CREBBP: variants seen among roughly 807,000 people sequenced by gnomAD.
The protein encoded by CREBBP is CREB-binding protein.
CREBBP carries 19 observed loss-of-function variants against 265.0 expected under a neutral mutation model. The observed-to-expected ratio is 0.07, with a 90% CI of 0.05 to 0.11. The LOEUF is 0.11. Among genes scored for constraint, CREBBP ranks in the 10% least tolerant of loss-of-function variants. CREBBP has a pLI of 1.00. For synonymous variants in CREBBP, 1,457 were observed against 1,223.7 expected (o/e 1.19, Z -3.98); for missense variants, 2,525 against 3,219.0 (o/e 0.78, Z 5.22).
chr16:3,757,078 G>A (rs1000307367), intron 19 of CREBBP, among the ~76,000 whole-genome samples: 7 of 151,546 alleles, frequency 4.6e-5, no homozygotes, highest in African/African-American at 1.7e-4. Flanking sequence ...TCTCTATGTC[G>A]CCAAGGCTGA....
In CREBBP at chr16:3,736,824, C is replaced by CCCA. The variant is rs1203942820; in HGVS notation, c.4395-12_4395-10dup. 1.2e-6 allele frequency: 2 copies of CCCA among 1,614,108 alleles called. No individual in the cohort carries two copies. Among genetic ancestry groups the CCCA allele is most frequent in the South Asian group, 2.2e-5 (2 of 91,082 alleles). ...TGTGCCCTGTCACATACCTGCAGGACCCACGCACACACGTCAGATGAACGT... is the reference window on the plus strand; with the variant it reads ...TGTGCCCTGTCACATACCTGCAGGACCCACCACGCACACACGTCAGATGAACGT... On this transcript the variant is annotated splice_polypyrimidine_tract_variant and intron_variant, in intron 26 of 30. Transcript: ENST00000262367.
chr16:3,784,054 C>G (rs868179733), intron 5 of CREBBP, among the ~76,000 whole-genome samples: 1 of 152,176 alleles, frequency 6.6e-6, no homozygotes, highest in Non-Finnish European at 1.5e-5. Context: ...TCCTTTCTAA[C>G]TTCCACAAAT....
Position 3,736,211 on chromosome 16 carries a change from G to A in CREBBP, c.4561-8C>T. ...TGCTTGTTTGAAAATATCCTGAGTG[G>A]GCAAAGCACAACAGTGAGATGAGGG... On this transcript the variant is annotated splice_region_variant and splice_polypyrimidine_tract_variant and intron_variant, in intron 27 of 30. Coordinates refer to ENST00000262367, the MANE Select transcript of CREBBP (RefSeq NM_004380.3). 2 of 1,614,076 alleles carry A rather than the reference G, an allele frequency of 1.2e-6. No homozygotes were observed. The highest frequency in any genetic ancestry group is 1.7e-6 in the Non-Finnish European group (2 of 1,179,926).
In CREBBP at chr16:3,731,166, G is replaced by A; in HGVS notation, c.5172+26C>T. 6.2e-7 allele frequency: 1 copy of A among 1,602,880 alleles called. No individual in the cohort carries two copies. The highest frequency in any genetic ancestry group is 8.5e-7 in the Non-Finnish European group (1 of 1,173,232). On this transcript the variant is annotated intron_variant, in intron 30 of 30. Transcript: ENST00000262367. The surrounding 1 kb of genome is among the most constrained non-coding windows in gnomAD (Gnocchi z 7.7). ...TTCGTCAGACCCCAGGCCGGCTGTG[G>A]GGGTGGGGGTGGGGGCAGGGCCTAC... is the stretch of plus-strand genomic sequence containing the variant.
At chr16:3,783,082 T>C (rs1158076955) in intron 5 of CREBBP, among the ~76,000 whole-genome samples, 156 bp from the exon 6 acceptor site, 2 of 152,172 alleles carry the variant, frequency 1.3e-5, no homozygotes, top group Non-Finnish European at 2.9e-5. Context: ...AGAAAGGAAC[T>C]GTGCTGAAGG....
chr16:3,769,224 C>T lies in CREBBP; in HGVS notation c.3010G>A (p.Glu1004Lys), dbSNP rs1466058363. 1 of 1,614,056 alleles carries T rather than the reference C, an allele frequency of 6.2e-7. No individual in the cohort carries two copies. Among genetic ancestry groups the T allele is most frequent in the Non-Finnish European group, 8.5e-7 (1 of 1,180,034 alleles). Residue 1004 changes from glutamate to lysine, a missense_variant, in exon 15 of 31, where the codon GAG (glutamate) becomes AAG (lysine). By Grantham distance (56) the Glu-to-Lys change is moderately conservative. Transcript: ENST00000262367. ...VLEMKTETQA[E>K]DTEPDPGESK... is the part of the protein sequence containing the mutation. Reference sequence around the variant, plus strand: ...TCACCAGGATCGGGCTCAGTGTCCTCTGCTTGGGTCTCCGTCTTCATTTCC... The same window carrying T: ...TCACCAGGATCGGGCTCAGTGTCCTTTGCTTGGGTCTCCGTCTTCATTTCC...
At chr16:3,877,624 G>C (rs1356395473) in intron 1 of CREBBP, among the ~76,000 whole-genome samples, 2 of 152,218 alleles carry the variant, frequency 1.3e-5, no homozygotes, top group Non-Finnish European at 2.9e-5. Flanking sequence ...GGCTGGTCTT[G>C]AACTCCTGAC....
rs964314492 is a variant in CREBBP at position 3,845,422 on chromosome 16, A to C, written c.798+4875T>G. ...AGTTCAGAAATTAGACCCAAATCCT[A>C]TATGTTTGAAAAGAGAATAAAGTGT... is the stretch of plus-strand genomic sequence containing the variant. On this transcript the variant is annotated intron_variant, in intron 2 of 30. Transcript: ENST00000262367. Among the ~76,000 whole-genome samples the C allele has an allele frequency of 5.3e-5, 8 of 152,310 alleles. No individual in the cohort carries two copies. In the South Asian group the frequency reaches 1.0e-3, roughly 20 times the overall value.
chr16:3,740,587 C>A (rs1242559559), intron 23 of CREBBP, 38 bp from the exon 24 acceptor site: 22 of 1,613,334 alleles, frequency 1.4e-5, no homozygotes, highest in Non-Finnish European at 1.9e-5. Context: ...AGGGCTTCAA[C>A]AGCACTGCTG....
chr16:3,874,807 G>A (rs2055366830), intron 1 of CREBBP, among the ~76,000 whole-genome samples: 1 of 152,138 alleles, frequency 6.6e-6, no homozygotes, highest in Admixed American at 6.5e-5. Context: ...CTCTTAGCAT[G>A]CCCTCTAGTT....
At chr16:3,860,857 T>C (rs918132477) in intron 1 of CREBBP, among the ~76,000 whole-genome samples, 5 of 151,952 alleles carry the variant, frequency 3.3e-5, no homozygotes, top group African/African-American at 9.7e-5. Flanking sequence ...TATTACTAAT[T>C]AGACACTACG....
At chr16:3,811,653 G>A (rs766368758) in intron 2 of CREBBP, among the ~76,000 whole-genome samples, 2 of 151,854 alleles carry the variant, frequency 1.3e-5, no homozygotes, top group African/African-American at 2.4e-5. Flanking sequence ...CACCAGGTCC[G>A]GCTAATTTTT....
intron 5 of CREBBP, among the ~76,000 whole-genome samples, chr16:3,786,603 G>A (rs1335229256): frequency 6.6e-6 from 1 of 151,994 alleles, no homozygotes; most frequent in African/African-American, 2.4e-5. Flanking sequence ...TCACCAGCAC[G>A]AGAGTGAGCC....
At position 3,835,844 on chromosome 16, in the gene CREBBP, T is replaced by C. The variant is rs142331911; in HGVS notation, c.798+14453A>G. On this transcript the variant is annotated intron_variant, in intron 2 of 30. Transcript: ENST00000262367. The stretch of plus-strand genomic sequence containing the variant: ...ATCCACCCGCCTTGGCCTCCCAAAG[T>C]GCTGGGATTACAGGTGTGAGCCACC... Among the ~76,000 whole-genome samples, 1,511 of 151,976 alleles carry C rather than the reference T, an allele frequency of 9.9e-3. 29 individuals are homozygous for C. The highest frequency in any genetic ancestry group is 0.034 in the African/African-American group (1,397 of 41,486).
intron 24 of CREBBP, among the ~76,000 whole-genome samples, chr16:3,740,028 G>T (rs1214422503): frequency 6.6e-6 from 1 of 152,230 alleles, no homozygotes; most frequent in East Asian, 1.9e-4. Context: ...ACCAGCAGTG[G>T]ATGCTGGAAA....
chr16:3,792,997 G>T (rs1480999655), intron 4 of CREBBP, among the ~76,000 whole-genome samples: 1 of 152,178 alleles, frequency 6.6e-6, no homozygotes, highest in African/African-American at 2.4e-5. Context: ...ATGCAGGAAG[G>T]GCGTGTGCCT....
chr16:3,782,072 T>A (rs748094007), intron 6 of CREBBP, among the ~76,000 whole-genome samples: 2 of 152,210 alleles, frequency 1.3e-5, no homozygotes, highest in Non-Finnish European at 2.9e-5. Context: ...TAAGCCTAAA[T>A]GTAAAGGGAC....
At chr16:3,843,010 A>G (rs1763373418) in intron 2 of CREBBP, among the ~76,000 whole-genome samples, 1 of 151,450 alleles carries the variant, frequency 6.6e-6, no homozygotes, top group African/African-American at 2.4e-5. Context: ...GAATGAGAAG[A>G]GAAATAATCA....
chr16:3,842,641 A>C (rs2054586151), intron 2 of CREBBP, among the ~76,000 whole-genome samples: 2 of 152,116 alleles, frequency 1.3e-5, no homozygotes, highest in South Asian at 4.1e-4. Context: ...TGTTTTTCCT[A>C]CTGTAAATAT....
Sources: gnomAD v4.1 joint callset for allele counts (sites outside exome capture counted in the v4.1 genomes callset) on GRCh38, gnomAD v4.1.1 for gene constraint, Gnocchi (gnomAD v3.1) non-coding constraint, MANE v1.5 for transcripts, NCBI Gene and HGNC (gene_info 2026-07-23, HGNC 2026-07-21) for gene names.